CLIC4: variants seen among roughly 807,000 people sequenced by gnomAD.
CLIC4 encodes the protein chloride intracellular channel protein 4.
CLIC4 carries 13 observed loss-of-function variants against 24.6 expected under a neutral mutation model. The ratio of observed to expected loss-of-function variants is 0.53; its 90% confidence interval spans 0.34 to 0.84. The LOEUF (loss-of-function observed/expected upper bound fraction) is 0.84, where lower values mean the gene tolerates loss of function less well. CLIC4 is among the 40% of genes least tolerant of loss of function. CLIC4 has a pLI of 0.01. For missense variants in CLIC4, 227 were observed against 301.7 expected, an observed-to-expected ratio of 0.75 and a Z score of 1.83; for synonymous variants, 104 against 111.3, an observed-to-expected ratio of 0.93 and a Z score of 0.41.
At chr1:24,776,661 C>G (rs1390932710) in intron 1 of CLIC4, among the ~76,000 whole-genome samples, 1 of 152,084 alleles carries the variant, frequency 6.6e-6, no homozygotes, top group African/African-American at 2.4e-5. Context: ...CTGAGTTTGG[C>G]CAGGTGTCAT....
At chr1:24,787,845 ATTTTTTTTTTTTTT>A (rs60149402) in intron 1 of CLIC4, among the ~76,000 whole-genome samples, 136,403 of 142,644 alleles carry the variant, frequency 0.96, 65,366 homozygotes, top group East Asian at 1. Context: ...GTGCCCGGCC[ATTTTTTTTTTTTTT>A]TTTTTTTTTT....
At chr1:24,814,260 C>T (rs750064440) in intron 3 of CLIC4, 41 bp downstream of exon 3, 1 of 1,590,590 alleles carries the variant, frequency 6.3e-7, no homozygotes, top group East Asian at 2.2e-5. Context: ...ATTGTCACTT[C>T]TTTGAAGCTT....
chr1:24,795,783 T>C (rs1479565268), intron 1 of CLIC4, among the ~76,000 whole-genome samples: 1 of 152,198 alleles, frequency 6.6e-6, no homozygotes, highest in Non-Finnish European at 1.5e-5. Context: ...TTGGTCAGGC[T>C]GGTCTCAAAC....
chr1:24,816,371 C>T (rs1041488135), intron 3 of CLIC4, among the ~76,000 whole-genome samples: 1 of 151,032 alleles, frequency 6.6e-6, no homozygotes, highest in Non-Finnish European at 1.5e-5. Flanking sequence ...TCCTGAGTAG[C>T]TGGGATTACA....
At chr1:24,781,102 AAAAG>A (rs1211894192) in intron 1 of CLIC4, among the ~76,000 whole-genome samples, 1 of 150,280 alleles carries the variant, frequency 6.7e-6, no homozygotes, top group Non-Finnish European at 1.5e-5. Context: ...AAAAAAAAAA[AAAAG>A]AAAGAAATTG....
At chr1:24,788,037 G>A (rs1428751625) in intron 1 of CLIC4, among the ~76,000 whole-genome samples, 3 of 151,192 alleles carry the variant, frequency 2.0e-5, no homozygotes, top group Non-Finnish European at 2.9e-5. Context: ...TGTATTTTTA[G>A]TAGAGACGGT....
chr1:24,809,641 A>G (rs1177985353), intron 2 of CLIC4, among the ~76,000 whole-genome samples: 2 of 152,092 alleles, frequency 1.3e-5, no homozygotes, highest in African/African-American at 2.4e-5. Flanking sequence ...TTATATTTTT[A>G]GTAGAGATGG....
At chr1:24,758,505 T>C (rs1398078094) in intron 1 of CLIC4, among the ~76,000 whole-genome samples, 1 of 151,932 alleles carries the variant, frequency 6.6e-6, no homozygotes, top group Non-Finnish European at 1.5e-5. Flanking sequence ...TCACCCAGGC[T>C]GGGGTGCACT....
intron 1 of CLIC4, among the ~76,000 whole-genome samples, chr1:24,748,137 A>G (rs1402446375): frequency 6.6e-6 from 1 of 152,180 alleles, no homozygotes; most frequent in African/African-American, 2.4e-5. Flanking sequence ...TATCTGAATT[A>G]GGAAGAGATC....
At chr1:24,783,142 T>G (rs1476101982) in intron 1 of CLIC4, among the ~76,000 whole-genome samples, 1 of 152,244 alleles carries the variant, frequency 6.6e-6, no homozygotes, top group Non-Finnish European at 1.5e-5. Flanking sequence ...TCAGTGTGGA[T>G]TCCCTAAGAG....
In CLIC4 at chr1:24,843,982, C is replaced by G. The variant is rs1639968079; in HGVS notation, c.*3045C>G. The stretch of plus-strand genomic sequence containing the variant: ...TTAATTTGAATTTAAGCATTTAATT[C>G]AAAGAGAGGGGAGCATCCATTATTG... On this transcript the variant is annotated 3_prime_UTR_variant, in exon 6 of 6. Transcript: ENST00000374379. 1 of 152,414 alleles carries G rather than the reference C, an allele frequency of 6.6e-6. No individual in the cohort carries two copies. Among genetic ancestry groups the G allele is most frequent in the African/African-American group, 2.4e-5 (1 of 41,364 alleles). 9.4% of individuals were successfully genotyped at this position (152,414 alleles called of 1,614,324 possible). A position where few individuals can be genotyped will look rare whatever the true frequency, so the allele number is the denominator to read the frequency against.
chr1:24,829,635 T>C (rs953809846), intron 4 of CLIC4, among the ~76,000 whole-genome samples: 1 of 152,214 alleles, frequency 6.6e-6, no homozygotes, highest in African/African-American at 2.4e-5. Flanking sequence ...TCATTGATAT[T>C]TATAATACTC....
chr1:24,818,838 T>G (rs1282132344), intron 3 of CLIC4, among the ~76,000 whole-genome samples: 1 of 151,582 alleles, frequency 6.6e-6, no homozygotes, highest in Non-Finnish European at 1.5e-5. Context: ...AAAAAGATGT[T>G]CAGCAGTTGA....
intron 4 of CLIC4, among the ~76,000 whole-genome samples, chr1:24,828,187 A>T (rs1359603368): frequency 6.6e-6 from 1 of 152,222 alleles, no homozygotes; most frequent in Non-Finnish European, 1.5e-5. Flanking sequence ...TTTAAAATTT[A>T]GTATTGGATT....
intron 2 of CLIC4, among the ~76,000 whole-genome samples, chr1:24,803,785 C>G (rs113856364): frequency 1.0e-3 from 152 of 152,264 alleles, no homozygotes; most frequent in African/African-American, 3.5e-3. Flanking sequence ...TAGAAAATTT[C>G]AGGAGTGAGA....
chr1:24,839,658 T>G (rs1032240808), intron 4 of CLIC4, among the ~76,000 whole-genome samples: 1 of 152,208 alleles, frequency 6.6e-6, no homozygotes, highest in African/African-American at 2.4e-5. Context: ...ATTTATACTT[T>G]TACCTGAACA....
chr1:24,803,539 G>A (rs1639514495), intron 2 of CLIC4, among the ~76,000 whole-genome samples: 1 of 152,132 alleles, frequency 6.6e-6, no homozygotes, highest in Non-Finnish European at 1.5e-5. Context: ...TTACTTGCCT[G>A]CCAGAGCAGC....
At chr1:24,756,812 C>T (rs1385476902) in intron 1 of CLIC4, among the ~76,000 whole-genome samples, 1 of 152,078 alleles carries the variant, frequency 6.6e-6, no homozygotes. Context: ...CCTCCGCCTC[C>T]CGGGTTCAAG....
At chr1:24,776,324 A>G (rs750472289) in intron 1 of CLIC4, among the ~76,000 whole-genome samples, 2 of 152,174 alleles carry the variant, frequency 1.3e-5, no homozygotes, top group African/African-American at 2.4e-5. Context: ...CTAAAAGATA[A>G]AACTTGGGGA....
Sources: gnomAD v4.1 joint callset for allele counts (sites outside exome capture counted in the v4.1 genomes callset) on GRCh38, gnomAD v4.1.1 for gene constraint, MANE v1.5 for transcripts, NCBI Gene and HGNC (gene_info 2026-07-23, HGNC 2026-07-21) for gene names.